HFM1: variants seen among roughly 807,000 people sequenced by gnomAD.
The protein encoded by HFM1 is helicase for meiosis 1, also known as probable ATP-dependent DNA helicase HFM1.
HFM1 carries 169 observed loss-of-function variants against 192.1 expected under a neutral mutation model. The observed-to-expected ratio is 0.88, with a 90% CI of 0.78 to 1.00. The LOEUF (loss-of-function observed/expected upper bound fraction) is 1.00, where lower values mean the gene tolerates loss of function less well. Among genes scored for constraint, HFM1 ranks in the 50% least tolerant of loss-of-function variants. The pLI is 0.00. For synonymous variants in HFM1, 525 were observed against 537.8 expected (o/e 0.98, Z 0.33); for missense variants, 1,661 against 1,668.0 (o/e 1.00, Z 0.07).
At position 91,265,041 on chromosome 1, in the gene HFM1, C is replaced by T. The variant is rs75929333; in HGVS notation, c.3974+976G>A. Among the ~76,000 whole-genome samples the T allele has an allele frequency of 1.6e-3, 244 of 152,296 alleles. 3 individuals are homozygous for T. The East Asian group carries it at 0.023, about 15-fold the overall frequency. On this transcript the variant is annotated intron_variant, in intron 36 of 38. Transcript: ENST00000370425. ...CCCTACCTCTCTGTTCCCATCACTT[C>T]TGCTGTAGTTTAGGCCTCATTATAG...
chr1:91,286,112 T>G (rs557334910), intron 30 of HFM1, among the ~76,000 whole-genome samples: 119 of 152,300 alleles, frequency 7.8e-4, no homozygotes, highest in Middle Eastern at 3.4e-3. Context: ...ATTATATATA[T>G]AGAGTTCAGT....
chr1:91,375,867 T>A, intron 11 of HFM1, 140 bp from the exon 12 acceptor site: 1 of 642,352 alleles, frequency 1.6e-6, no homozygotes, highest in Non-Finnish European at 2.7e-6. Context: ...ATATTACATA[T>A]TCCATTAATA....
Position 91,378,414 on chromosome 1 carries a change from G to T in HFM1, c.1225C>A (p.Leu409Ile). 6.2e-7 allele frequency: 1 copy of T among 1,600,044 alleles called. No homozygotes were observed. Among genetic ancestry groups the T allele is most frequent in the East Asian group, 2.2e-5 (1 of 44,524 alleles). The change falls in exon 10 of 39, where the codon CTC becomes ATC. Residue 409 changes from leucine (L) to isoleucine (I), a missense_variant. Physicochemically the swap from Leu to Ile is conservative, Grantham distance 5. Transcript: ENST00000370425. ...AATGCATTCATTACCTCATCAATGA[G>T]AAACAGTCGAACCAGCTGAACCAAA... Reference protein sequence around the residue: ...NSLVQLVRLFLIDEVHIVKDE... With the variant: ...NSLVQLVRLFIIDEVHIVKDE...
chr1:91,305,964 A>T (rs539920263), intron 30 of HFM1, among the ~76,000 whole-genome samples: 3 of 152,308 alleles, frequency 2.0e-5, no homozygotes, highest in African/African-American at 7.2e-5. Context: ...AACATTCTCC[A>T]ACTCAATAGG....
At chr1:91,346,439 G>A (rs1252257354) in intron 19 of HFM1, among the ~76,000 whole-genome samples, 1 of 152,114 alleles carries the variant, frequency 6.6e-6, no homozygotes, top group Non-Finnish European at 1.5e-5. Flanking sequence ...GCAGCATTAT[G>A]AATATATGCT....
intron 37 of HFM1, 22 bp from the exon 38 acceptor site, chr1:91,262,414 A>G: frequency 2.5e-6 from 4 of 1,580,862 alleles, no homozygotes; most frequent in Middle Eastern, 1.7e-4. Context: ...ATAAAAAATA[A>G]CAATCATTGA....
At chr1:91,384,868 T>C (rs1436577572) in intron 6 of HFM1, among the ~76,000 whole-genome samples, 1 of 151,650 alleles carries the variant, frequency 6.6e-6, no homozygotes, top group Non-Finnish European at 1.5e-5. Flanking sequence ...CTCAGCCCCC[T>C]GAGTAGCTGG....
chr1:91,296,822 T>C (rs374294374), intron 30 of HFM1, among the ~76,000 whole-genome samples: 3 of 152,312 alleles, frequency 2.0e-5, no homozygotes, highest in African/African-American at 7.2e-5. Flanking sequence ...GGAGCCAAGA[T>C]GGCCAAATAG....
chr1:91,291,490 A>G (rs1428923055), intron 30 of HFM1, among the ~76,000 whole-genome samples: 3 of 152,210 alleles, frequency 2.0e-5, no homozygotes, highest in African/African-American at 4.8e-5. Context: ...CACTCTCCCA[A>G]GACTAAACCA....
At chr1:91,282,055 T>A (rs933264617) in intron 30 of HFM1, among the ~76,000 whole-genome samples, 4 of 152,246 alleles carry the variant, frequency 2.6e-5, no homozygotes, top group Admixed American at 6.5e-5. Context: ...CTTTCATTCA[T>A]CCTAACTAGC....
At chr1:91,299,052 T>G (rs1165986560) in intron 30 of HFM1, among the ~76,000 whole-genome samples, 1 of 152,076 alleles carries the variant, frequency 6.6e-6, no homozygotes, top group Non-Finnish European at 1.5e-5. Flanking sequence ...CCATCTCACG[T>G]GCAGAGACAC....
At chr1:91,354,045 G>A (rs1241707488) in intron 13 of HFM1, among the ~76,000 whole-genome samples, 1 of 151,482 alleles carries the variant, frequency 6.6e-6, no homozygotes, top group Non-Finnish European at 1.5e-5. Context: ...GGAGTTCAAA[G>A]TAATGATCCT....
At chr1:91,283,181 T>C (rs1667620412) in intron 30 of HFM1, among the ~76,000 whole-genome samples, 1 of 152,168 alleles carries the variant, frequency 6.6e-6, no homozygotes, top group South Asian at 2.1e-4. Flanking sequence ...ATTTATCTTA[T>C]TAGCAAATAT....
chr1:91,327,960 A>G (rs1197558190), intron 20 of HFM1, among the ~76,000 whole-genome samples: 1 of 152,206 alleles, frequency 6.6e-6, no homozygotes, highest in East Asian at 1.9e-4. Context: ...AATGGGATAC[A>G]GCAAAAGTAG....
chr1:91,324,778 G>C lies in HFM1; in HGVS notation c.2336-12C>G. 6.9e-7 allele frequency: 1 copy of C among 1,449,214 alleles called. No individual in the cohort carries two copies. Among genetic ancestry groups the C allele is most frequent in the Non-Finnish European group, 9.7e-7 (1 of 1,031,670 alleles). 89.8% of individuals were successfully genotyped at this position (1,449,214 alleles called of 1,614,324 possible). Reference sequence around the variant, plus strand: ...CAATCTTCCTGCTTCTGTAAGAAAAGACAGAAAAATGAACGGTCCCCTCAT... The same window carrying C: ...CAATCTTCCTGCTTCTGTAAGAAAACACAGAAAAATGAACGGTCCCCTCAT... On this transcript the variant is annotated splice_polypyrimidine_tract_variant and intron_variant, in intron 20 of 38. Coordinates refer to ENST00000370425, the MANE Select transcript of HFM1 (RefSeq NM_001017975.6).
chr1:91,307,736 G>A (rs1287238808), intron 30 of HFM1, among the ~76,000 whole-genome samples: 2 of 152,196 alleles, frequency 1.3e-5, no homozygotes, highest in African/African-American at 4.8e-5. Context: ...TTATAGGCAT[G>A]AGCCACTAAG....
intron 3 of HFM1, 72 bp from the exon 4 acceptor site, chr1:91,394,474 C>CTT: frequency 1.1e-6 from 1 of 933,244 alleles, no homozygotes; most frequent in Non-Finnish European, 1.6e-6. Flanking sequence ...TGATGAAAAA[C>CTT]TTTAATAAAA....
intron 30 of HFM1, among the ~76,000 whole-genome samples, chr1:91,312,732 T>A (rs1217309511): frequency 6.6e-6 from 1 of 152,066 alleles, no homozygotes; most frequent in Non-Finnish European, 1.5e-5. Context: ...GGTTTTGAAA[T>A]GTGAGGACAT....
intron 35 of HFM1, among the ~76,000 whole-genome samples, chr1:91,267,032 C>T (rs1351220610): frequency 1.3e-5 from 2 of 152,060 alleles, no homozygotes; most frequent in Non-Finnish European, 2.9e-5. Context: ...GTGGAAATAC[C>T]AGTCTGCACT....
Sources: allele counts gnomAD v4.1 joint callset (sites outside exome capture counted in the v4.1 genomes callset), GRCh38; gene constraint gnomAD v4.1.1; transcripts MANE v1.5; gene names NCBI Gene and HGNC (gene_info 2026-07-23, HGNC 2026-07-21).